FLRT3: variants seen among roughly 807,000 people sequenced by gnomAD.
The protein encoded by FLRT3 is fibronectin leucine rich transmembrane protein 3.
FLRT3 carries 17 observed loss-of-function variants against 42.6 expected under a neutral mutation model. The observed-to-expected ratio is 0.40, with a 90% CI of 0.27 to 0.60. FLRT3 has a LOEUF of 0.60. Among genes scored for constraint, FLRT3 ranks in the 20% least tolerant of loss-of-function variants. The pLI, the probability that FLRT3 is intolerant of heterozygous loss-of-function variation, is 0.44. For synonymous variants in FLRT3, 279 were observed against 286.4 expected (o/e 0.97, Z 0.26); for missense variants, 635 against 789.2 (o/e 0.80, Z 2.34).
At chr20:14,328,028 A>G (rs2082766998) in intron 2 of FLRT3, among the ~76,000 whole-genome samples, 1 of 152,030 alleles carries the variant, frequency 6.6e-6, no homozygotes, top group Admixed American at 6.6e-5. Context: ...TATTAGGCAA[A>G]AACTATACAG....
At chr20:14,333,930 C>T (rs185339131) in intron 1 of FLRT3, among the ~76,000 whole-genome samples, 5 of 152,244 alleles carry the variant, frequency 3.3e-5, no homozygotes, top group African/African-American at 1.2e-4. Context: ...AAAGTTGCCT[C>T]GGTAACTTGT....
At chr20:14,335,442 C>G (rs1208475394) in intron 1 of FLRT3, among the ~76,000 whole-genome samples, 1 of 151,964 alleles carries the variant, frequency 6.6e-6, no homozygotes, top group Non-Finnish European at 1.5e-5. Flanking sequence ...ATTGTAGGCT[C>G]CTTAATTAAC....
rs1027048256 is a variant in FLRT3 at position 14,325,210 on chromosome 20, C to G, written c.*347G>C. The G allele has an allele frequency of 2.9e-5, 5 of 172,702 alleles. No homozygotes were observed. The highest frequency in any genetic ancestry group is 9.6e-5 in the African/African-American group (4 of 41,828). The allele number at this position is 172,702 out of a possible 1,614,324, so 10.7% of individuals were successfully genotyped here. A position where few individuals can be genotyped will look rare whatever the true frequency, so the allele number is the denominator to read the frequency against. On this transcript the variant is annotated 3_prime_UTR_variant, in exon 3 of 3. Transcript: ENST00000341420. ...TGAATGCAGTCCTGATTGTTCGACA[C>G]AGCAAGAAAATTCACTTTCACAGTC...
chr20:14,333,347 A>G (rs1392183184), intron 1 of FLRT3, among the ~76,000 whole-genome samples: 1 of 152,188 alleles, frequency 6.6e-6, no homozygotes, highest in African/African-American at 2.4e-5. Flanking sequence ...TTTGACTTGT[A>G]AAGTTAAATC....
rs754224705 is a variant in FLRT3 at position 14,325,693 on chromosome 20, G to A, written c.1814C>T (p.Ser605Leu). 1 of 1,613,698 alleles carries A rather than the reference G, an allele frequency of 6.2e-7. No homozygotes were observed. Among genetic ancestry groups the A allele is most frequent in the East Asian group, 2.2e-5 (1 of 44,884 alleles). ...GGTGTGTATTACAAACTCCTCCTTC[G>A]AGATGGGTTCATTGCTTATTGGTAA... Reference protein sequence around the residue: ...QMLPISNEPISKEEFVIHTIF... With the variant: ...QMLPISNEPILKEEFVIHTIF... Residue 605 changes from serine to leucine, a missense_variant, in exon 3 of 3, where the codon TCG (serine) becomes TTG (leucine). Coordinates refer to ENST00000341420, the MANE Select transcript of FLRT3 (RefSeq NM_198391.3).
intron 2 of FLRT3, among the ~76,000 whole-genome samples, chr20:14,327,831 A>T: frequency 6.6e-6 from 1 of 152,078 alleles, no homozygotes; most frequent in East Asian, 1.9e-4. Context: ...TTGAAGTTTT[A>T]TTGAATAATC....
At chr20:14,327,796 T>C (rs1290658504) in intron 2 of FLRT3, among the ~76,000 whole-genome samples, 1 of 152,086 alleles carries the variant, frequency 6.6e-6, no homozygotes, top group Non-Finnish European at 1.5e-5. Flanking sequence ...CCTAAATCCA[T>C]TTGATTTTGA....
Position 14,327,298 on chromosome 20 carries a change from AT to A in FLRT3, c.208del (p.Ile70Ter), listed in dbSNP as rs776832003. ...ATCTGAAGGAATCCCAGCATTATTT[AT>A]TTGGTTGTTCTGAAGGTAGAGAGTT... ...ATTLYLQNNQ[I>X]NNAGIPSDLK... On this transcript the variant is annotated frameshift_variant, in exon 3 of 3. Transcript: ENST00000341420. LOFTEE classifies it high-confidence loss of function. 1.9e-6 allele frequency: 3 copies of A among 1,613,780 alleles called. No homozygotes were observed. Among genetic ancestry groups the A allele is most frequent in the Non-Finnish European group, 2.5e-6 (3 of 1,179,766 alleles).
At chr20:14,332,866 T>G (rs1028289368) in intron 1 of FLRT3, among the ~76,000 whole-genome samples, 4 of 152,114 alleles carry the variant, frequency 2.6e-5, no homozygotes, top group Admixed American at 6.6e-5. Flanking sequence ...AGGCTTAAAT[T>G]GCTGCCAAAA....
chr20:14,334,636 T>C (rs1006495306), intron 1 of FLRT3, among the ~76,000 whole-genome samples: 1 of 106,578 alleles, frequency 9.4e-6, no homozygotes, highest in Admixed American at 1.4e-4. Context: ...AGAAGAACAG[T>C]GAAGGCCTCT....
At chr20:14,331,789 C>G (rs1025431449) in intron 1 of FLRT3, among the ~76,000 whole-genome samples, 1 of 152,086 alleles carries the variant, frequency 6.6e-6, no homozygotes, top group African/African-American at 2.4e-5. Flanking sequence ...TAGACCTTCC[C>G]CTTTCTGAGC....
In FLRT3 at chr20:14,337,477, A is replaced by T. The variant is rs1194307474; in HGVS notation, c.-320T>A. The T allele has an allele frequency of 2.5e-6, 1 of 397,758 alleles. No individual in the cohort carries two copies. Among genetic ancestry groups the T allele is most frequent in the Non-Finnish European group, 4.4e-6 (1 of 225,774 alleles). 24.6% of individuals were successfully genotyped at this position (397,758 alleles called of 1,614,324 possible). On this transcript the variant is annotated 5_prime_UTR_variant, in exon 1 of 3. Transcript: ENST00000341420. ...AATTCCATTGACAGTGAATTGGAGT[A>T]ATAGCCCTCCCCCGTCTCCCAAGCT...
Position 14,323,995 on chromosome 20 carries a change from T to C in FLRT3, c.*1562A>G, listed in dbSNP as rs1299352053. On this transcript the variant is annotated 3_prime_UTR_variant, in exon 3 of 3. Coordinates refer to ENST00000341420, the MANE Select transcript of FLRT3 (RefSeq NM_198391.3). The stretch of plus-strand genomic sequence containing the variant: ...TAAAATGATACACAACCTCAAGATG[T>C]TGATTTTTTAAAATTTTTAGCCAAC... 4 of 152,176 alleles carry C rather than the reference T, an allele frequency of 2.6e-5. No homozygotes were observed. Among genetic ancestry groups the C allele is most frequent in the Non-Finnish European group, 5.9e-5 (4 of 68,024 alleles). The allele number at this position is 152,176 out of a possible 1,614,324, so 9.4% of individuals were successfully genotyped here.
Position 14,327,235 on chromosome 20 carries a change from T to C in FLRT3, c.272A>G (p.Tyr91Cys). 1 of 1,613,784 alleles carries C rather than the reference T, an allele frequency of 6.2e-7. No individual in the cohort carries two copies. The highest frequency in any genetic ancestry group is 8.5e-7 in the Non-Finnish European group (1 of 1,179,758). ...NLLKVERIYL[Y>C]HNSLDEFPTN... Reference sequence around the variant, plus strand: ...AGGAAATTCATCTAAACTGTTGTGGTATAGGTATATTCTTTCTACTTTCAG... The same window carrying C: ...AGGAAATTCATCTAAACTGTTGTGGCATAGGTATATTCTTTCTACTTTCAG... The change falls in exon 3 of 3, where the codon TAC (tyrosine) becomes TGC (cysteine). Residue 91 changes from tyrosine to cysteine, a missense_variant. Transcript: ENST00000341420.
intron 1 of FLRT3, among the ~76,000 whole-genome samples, chr20:14,337,185 T>C (rs1319735344): frequency 1.3e-5 from 2 of 152,206 alleles, no homozygotes; most frequent in Non-Finnish European, 2.9e-5. Flanking sequence ...CCACTTACTA[T>C]CTTTTATAAA....
At position 14,337,390 on chromosome 20, in the gene FLRT3, T is replaced by A; in HGVS notation, c.-247+14A>T. 8.6e-5 allele frequency: 25 copies of A among 290,902 alleles called. No homozygotes were observed. The highest frequency in any genetic ancestry group is 1.2e-4 in the Non-Finnish European group (19 of 159,392). The allele number at this position is 290,902 out of a possible 1,614,324, so 18.0% of individuals were successfully genotyped here. ...TCTGGGACAATCATAAGAAAAAACA[T>A]GGAAAACACTTACCAGGAAGACGAG... On this transcript the variant is annotated intron_variant, in intron 1 of 2. Transcript: ENST00000341420.
In FLRT3 at chr20:14,324,313, A is replaced by T. The variant is rs79671900; in HGVS notation, c.*1244T>A. ...TTGAAAAAAAAAAAATCATGGCAAC[A>T]GAAAAGTGATATGGTTTTTCAACAA... On this transcript the variant is annotated 3_prime_UTR_variant, in exon 3 of 3. Coordinates refer to ENST00000341420, the MANE Select transcript of FLRT3 (RefSeq NM_198391.3). 1.3e-5 allele frequency: 2 copies of T among 152,474 alleles called. No individual in the cohort carries two copies. The allele number at this position is 152,474 out of a possible 1,614,324, so 9.4% of individuals were successfully genotyped here.
intron 1 of FLRT3, among the ~76,000 whole-genome samples, chr20:14,330,537 C>T (rs147485330): frequency 1.7e-4 from 26 of 152,162 alleles, no homozygotes; most frequent in African/African-American, 6.3e-4. Flanking sequence ...TGGTTCTCTC[C>T]AAAAATTCAG....
chr20:14,325,729 G>T lies in FLRT3; in HGVS notation c.1778C>A (p.Ser593Tyr). 1.2e-6 allele frequency: 2 copies of T among 1,613,938 alleles called. No individual in the cohort carries two copies. The highest frequency in any genetic ancestry group is 1.7e-6 in the Non-Finnish European group (2 of 1,179,876). The change falls in exon 3 of 3, where the codon TCT becomes TAT. Residue 593 changes from serine (S) to tyrosine (Y), a missense_variant. Transcript: ENST00000341420. ...ATTGCTTATTGGTAACATCTGAAAA[G>T]AAGTTTCCCTGATTTCCAGGATAGA... ...DNSILEIRET[S>Y]FQMLPISNEP...
Sources: gnomAD v4.1 joint callset for allele counts (sites outside exome capture counted in the v4.1 genomes callset) on GRCh38, gnomAD v4.1.1 for gene constraint, MANE v1.5 for transcripts, NCBI Gene and HGNC (gene_info 2026-07-23, HGNC 2026-07-21) for gene names.